The following MECOM variants were observed in gnomAD, a reference collection of about 807,000 sequenced individuals.
MECOM encodes MDS1 and EVI1 complex locus.
A neutral mutation model predicts 116.3 loss-of-function variants in MECOM; 13 were observed. The ratio of observed to expected loss-of-function variants is 0.11; its 90% CI spans 0.07 to 0.18. The LOEUF is 0.18. MECOM is among the 10% of genes least tolerant of loss of function. The probability of loss-of-function intolerance (pLI) is 1.00; values close to 1 mark genes in which losing one functional copy is unlikely to be tolerated. For synonymous variants in MECOM, 528 were observed against 535.2 expected (o/e 0.99, Z 0.19); for missense variants, 1,299 against 1,509.0 (o/e 0.86, Z 2.31).
At chr3:169,217,677 G>T (rs1207953169) in intron 2 of MECOM, among the ~76,000 whole-genome samples, 1 of 151,888 alleles carries the variant, frequency 6.6e-6, no homozygotes, top group Non-Finnish European at 1.5e-5. Flanking sequence ...CCAGATACTT[G>T]GGAGGCTGAG....
intron 2 of MECOM, among the ~76,000 whole-genome samples, chr3:169,282,544 A>T (rs1488313445): frequency 6.6e-6 from 1 of 152,170 alleles, no homozygotes; most frequent in Non-Finnish European, 1.5e-5. Flanking sequence ...GCTGTAAAGG[A>T]AAGAGAAAGT....
chr3:169,164,131 A>T (rs938758945), intron 2 of MECOM, among the ~76,000 whole-genome samples: 1 of 152,128 alleles, frequency 6.6e-6, no homozygotes, highest in African/African-American at 2.4e-5. Context: ...CCCCTCCTAA[A>T]TCTCATCTTG....
At chr3:169,131,957 C>CTTT in intron 3 of MECOM, 1 of 993,544 alleles carries the variant, frequency 1.0e-6, no homozygotes, top group Non-Finnish European at 1.2e-6. Context: ...CCCACTTAAG[C>CTTT]AAGTTTGCAA....
intron 1 of MECOM, among the ~76,000 whole-genome samples, chr3:169,636,939 C>T (rs1445314519): frequency 6.6e-6 from 1 of 152,132 alleles, no homozygotes; most frequent in Non-Finnish European, 1.5e-5. Context: ...TCTGAAAATG[C>T]CACCCTATCC....
chr3:169,163,616 G>A (rs1743157859), intron 2 of MECOM, among the ~76,000 whole-genome samples: 3 of 152,104 alleles, frequency 2.0e-5, no homozygotes, highest in African/African-American at 4.8e-5. Flanking sequence ...TATAGAAGTA[G>A]CCCAAAGTCA....
intron 1 of MECOM, among the ~76,000 whole-genome samples, chr3:169,544,482 G>C (rs1398272525): frequency 2.0e-5 from 3 of 152,096 alleles, no homozygotes; most frequent in African/African-American, 7.2e-5. Flanking sequence ...TCCCACCAAT[G>C]GTGTAAACGT....
At chr3:169,300,955 C>G (rs1238334770) in intron 2 of MECOM, among the ~76,000 whole-genome samples, 1 of 152,218 alleles carries the variant, frequency 6.6e-6, no homozygotes, top group East Asian at 1.9e-4. Context: ...TAAACTAAGA[C>G]ATGAACTTTT....
intron 2 of MECOM, among the ~76,000 whole-genome samples, chr3:169,194,198 T>TA (rs1748093079): frequency 1.3e-5 from 2 of 151,928 alleles, no homozygotes; most frequent in South Asian, 2.1e-4. Flanking sequence ...CTCTGCTATA[T>TA]AAAAAAATCT....
intron 1 of MECOM, among the ~76,000 whole-genome samples, chr3:169,384,440 C>T (rs989518619): frequency 1.3e-5 from 2 of 152,108 alleles, no homozygotes; most frequent in African/African-American, 4.8e-5. Context: ...CTAATTTTAT[C>T]GTTCAGGGAG....
chr3:169,334,667 C>A (rs1276800494), intron 2 of MECOM, among the ~76,000 whole-genome samples: 1 of 152,120 alleles, frequency 6.6e-6, no homozygotes, highest in Non-Finnish European at 1.5e-5. Context: ...ATATTTCCAA[C>A]TCATCTGTGA....
intron 1 of MECOM, among the ~76,000 whole-genome samples, chr3:169,563,226 G>A (rs1762860112): frequency 1.3e-5 from 2 of 152,172 alleles, no homozygotes; most frequent in Admixed American, 1.3e-4. Flanking sequence ...GGCATGCAAA[G>A]AGACATCACC....
chr3:169,122,161 AAG>A (rs1188992378), intron 6 of MECOM, among the ~76,000 whole-genome samples: 2 of 152,206 alleles, frequency 1.3e-5, no homozygotes, highest in Admixed American at 1.3e-4. Context: ...CTGCAAATAT[AAG>A]AGTCACCCAT....
At chr3:169,311,002 T>C (rs1234576532) in intron 2 of MECOM, among the ~76,000 whole-genome samples, 3 of 152,180 alleles carry the variant, frequency 2.0e-5, no homozygotes, top group Admixed American at 6.5e-5. Context: ...GATACAGTAA[T>C]ATCCAAACAT....
intron 1 of MECOM, among the ~76,000 whole-genome samples, chr3:169,580,777 T>C (rs1376048196): frequency 6.6e-6 from 1 of 152,246 alleles, no homozygotes; most frequent in Non-Finnish European, 1.5e-5. Context: ...TTGTGTGTTC[T>C]CTAGAAATCA....
chr3:169,298,957 C>T (rs1351116869), intron 2 of MECOM, among the ~76,000 whole-genome samples: 2 of 152,090 alleles, frequency 1.3e-5, no homozygotes, highest in African/African-American at 2.4e-5. Context: ...AACTTAGAAA[C>T]GAATCCAGAT....
At chr3:169,085,672 T>C (rs1391280327) in intron 16 of MECOM, among the ~76,000 whole-genome samples, 2 of 152,174 alleles carry the variant, frequency 1.3e-5, no homozygotes, top group African/African-American at 2.4e-5. Flanking sequence ...AAATCAGCTC[T>C]ACCAAAAAAA....
At chr3:169,603,631 G>T (rs1460754175) in intron 1 of MECOM, among the ~76,000 whole-genome samples, 1 of 152,028 alleles carries the variant, frequency 6.6e-6, no homozygotes, top group African/African-American at 2.4e-5. Flanking sequence ...CTTTTACACT[G>T]TATTTTTACT....
At chr3:169,187,467 G>A (rs1386479117) in intron 2 of MECOM, among the ~76,000 whole-genome samples, 1 of 152,036 alleles carries the variant, frequency 6.6e-6, no homozygotes, top group Non-Finnish European at 1.5e-5. Context: ...TCTTCCATTG[G>A]AAACAGAACT....
At chr3:169,220,882 T>G (rs935518842) in intron 2 of MECOM, among the ~76,000 whole-genome samples, 2 of 152,206 alleles carry the variant, frequency 1.3e-5, no homozygotes, top group Non-Finnish European at 2.9e-5. Flanking sequence ...GTGTATTTCC[T>G]GAGGCTCGAA....
Sources: gnomAD v4.1 joint callset for allele counts (sites outside exome capture counted in the v4.1 genomes callset) on GRCh38, gnomAD v4.1.1 for gene constraint, MANE v1.5 for transcripts, NCBI Gene and HGNC (gene_info 2026-07-23, HGNC 2026-07-21) for gene names.